Variants in ATP9B observed in about 807,000 individuals in gnomAD.
ATP9B encodes the protein ATPase phospholipid transporting 9B, also known as probable phospholipid-transporting ATPase IIB.
A neutral mutation model predicts 146.1 loss-of-function variants in ATP9B; 110 were observed. That is an observed-to-expected ratio of 0.75 (90% CI 0.65 to 0.88). The LOEUF (loss-of-function observed/expected upper bound fraction) is 0.88, where lower values mean the gene tolerates loss of function less well. Ranked by LOEUF, ATP9B falls within the 40% of genes least tolerant of loss-of-function variation. The probability of loss-of-function intolerance (pLI) is 0.00; values close to 1 mark genes in which losing one functional copy is unlikely to be tolerated. For missense variants in ATP9B, 1,499 were observed against 1,496.4 expected, an observed-to-expected ratio of 1.00 and a Z score of -0.03; for synonymous variants, 604 against 569.7, an observed-to-expected ratio of 1.06 and a Z score of -0.86.
intron 11 of ATP9B, among the ~76,000 whole-genome samples, chr18:79,222,439 T>G (rs1288926536): frequency 2.0e-5 from 3 of 151,942 alleles, no homozygotes; most frequent in Non-Finnish European, 4.4e-5. Context: ...ACACTCTAGG[T>G]GAAGTGGTGT....
At chr18:79,105,078 G>A (rs546220986) in intron 2 of ATP9B, among the ~76,000 whole-genome samples, 73 of 152,288 alleles carry the variant, frequency 4.8e-4, no homozygotes, top group African/African-American at 1.6e-3. Flanking sequence ...GATGAGAAGC[G>A]ACCTGAGGTA....
At chr18:79,144,684 C>A (rs1441145349) in intron 6 of ATP9B, 1 of 152,370 alleles carries the variant, frequency 6.6e-6, no homozygotes, top group Non-Finnish European at 1.5e-5. Flanking sequence ...GTACTTAATA[C>A]AATGCAAATG....
intron 14 of ATP9B, among the ~76,000 whole-genome samples, chr18:79,306,380 C>T (rs2146536094): frequency 6.6e-6 from 1 of 152,276 alleles, no homozygotes; most frequent in African/African-American, 2.4e-5. Flanking sequence ...CACACATAAG[C>T]CCTAAATGGG....
At chr18:79,249,785 G>T (rs964161853) in intron 11 of ATP9B, among the ~76,000 whole-genome samples, 2 of 152,082 alleles carry the variant, frequency 1.3e-5, no homozygotes, top group African/African-American at 2.4e-5. Flanking sequence ...ATTGAAGTGG[G>T]TTAAAAAAAT....
intron 12 of ATP9B, among the ~76,000 whole-genome samples, chr18:79,274,888 C>T (rs114377091): frequency 0.013 from 1,955 of 152,248 alleles, 32 homozygotes; most frequent in African/African-American, 0.037. Flanking sequence ...ACAACAGCTC[C>T]GCGTAAGTCT....
intron 12 of ATP9B, among the ~76,000 whole-genome samples, chr18:79,267,548 A>G (rs1381919945): frequency 6.6e-6 from 1 of 152,064 alleles, no homozygotes; most frequent in African/African-American, 2.4e-5. Context: ...TTTCATATGT[A>G]GTATTTTTGT....
intron 19 of ATP9B, among the ~76,000 whole-genome samples, 159 bp downstream of exon 19, chr18:79,337,608 T>C (rs977204308): frequency 6.6e-6 from 1 of 152,150 alleles, no homozygotes; most frequent in African/African-American, 2.4e-5. Flanking sequence ...CTTAGGGACA[T>C]CTGCAGCTGG....
intron 11 of ATP9B, among the ~76,000 whole-genome samples, chr18:79,230,080 G>A (rs151331803): frequency 6.6e-6 from 1 of 152,226 alleles, no homozygotes; most frequent in Non-Finnish European, 1.5e-5. Context: ...TGAATAAAGT[G>A]TAGTTTAATT....
chr18:79,168,913 A>C lies in ATP9B; in HGVS notation c.779-7900A>C, dbSNP rs752056900. ...TCCATGCCTCATTCTTCTCCTTGCC[A>C]CATTATCCCTGTCCTTCTCTCTTCT... On this transcript the variant is annotated intron_variant, in intron 7 of 29. Coordinates refer to ENST00000426216, the MANE Select transcript of ATP9B (RefSeq NM_198531.5). Among the ~76,000 whole-genome samples the C allele has an allele frequency of 1.3e-4, 20 of 151,936 alleles. 1 individual carries two copies. The highest frequency in any genetic ancestry group is 2.1e-4 in the Non-Finnish European group (14 of 67,994).
intron 15 of ATP9B, among the ~76,000 whole-genome samples, chr18:79,323,146 T>A (rs2096725156): frequency 6.6e-6 from 1 of 151,006 alleles, no homozygotes; most frequent in Non-Finnish European, 1.5e-5. Context: ...CCTCCGTTTA[T>A]CGTTGCTTCG....
chr18:79,347,801 T>G lies in ATP9B; in HGVS notation c.2714T>G (p.Phe905Cys), dbSNP rs770736960. The part of the protein sequence containing the change: ...EGKQASLAAD[F>C]SITQFRHIGR... ...AAACAGGCCTCGCTGGCGGCCGACTTCTCCATCACGCAGTTCCGGCACATA... is the reference window on the plus strand; with the variant it reads ...AAACAGGCCTCGCTGGCGGCCGACTGCTCCATCACGCAGTTCCGGCACATA... Residue 905 changes from phenylalanine to cysteine, a missense_variant, in exon 24 of 30, where the codon TTC (phenylalanine) becomes TGC (cysteine). Coordinates refer to ENST00000426216, the MANE Select transcript of ATP9B (RefSeq NM_198531.5). The G allele has an allele frequency of 6.2e-7, 1 of 1,600,032 alleles. No individual in the cohort carries two copies. Among genetic ancestry groups the G allele is most frequent in the African/African-American group, 1.3e-5 (1 of 74,468 alleles).
chr18:79,304,962 T>C (rs2096612505), intron 14 of ATP9B, among the ~76,000 whole-genome samples: 1 of 152,180 alleles, frequency 6.6e-6, no homozygotes, highest in Non-Finnish European at 1.5e-5. Context: ...AGGTTCAAAA[T>C]TGTACATAGC....
At chr18:79,331,791 T>C (rs569252878) in intron 17 of ATP9B, among the ~76,000 whole-genome samples, 96 of 152,226 alleles carry the variant, frequency 6.3e-4, no homozygotes, top group African/African-American at 1.9e-3. Flanking sequence ...AATATGTAAG[T>C]CTGTGAACAG....
chr18:79,160,394 C>T (rs983910097), intron 7 of ATP9B, among the ~76,000 whole-genome samples: 2 of 152,190 alleles, frequency 1.3e-5, no homozygotes, highest in Admixed American at 6.5e-5. Context: ...ACTGCCATCC[C>T]TGCTTACTTC....
At chr18:79,227,864 T>C (rs552019783) in intron 11 of ATP9B, among the ~76,000 whole-genome samples, 4 of 152,384 alleles carry the variant, frequency 2.6e-5, no homozygotes. Context: ...TGCCCAGGCA[T>C]GTGTGTGCAC....
intron 4 of ATP9B, among the ~76,000 whole-genome samples, chr18:79,123,131 A>G (rs1031994468): frequency 6.6e-6 from 1 of 152,098 alleles, no homozygotes. Flanking sequence ...AGGACTGTCT[A>G]TCTCTAGTCA....
intron 13 of ATP9B, among the ~76,000 whole-genome samples, chr18:79,286,878 T>A (rs2096449117): frequency 6.6e-6 from 1 of 152,238 alleles, no homozygotes; most frequent in African/African-American, 2.4e-5. Flanking sequence ...GAGATAATCA[T>A]GTGGTTTTTG....
intron 5 of ATP9B, among the ~76,000 whole-genome samples, chr18:79,130,322 T>G (rs975082214): frequency 2.0e-5 from 3 of 151,860 alleles, no homozygotes; most frequent in African/African-American, 7.3e-5. Flanking sequence ...AAAAGAACAC[T>G]CACTGGAGGG....
chr18:79,187,411 G>A (rs925364502), intron 8 of ATP9B, among the ~76,000 whole-genome samples: 2 of 152,172 alleles, frequency 1.3e-5, no homozygotes, highest in South Asian at 2.1e-4. Context: ...TGAGTACTTG[G>A]ACTCAAAGGG....
Sources: allele counts gnomAD v4.1 joint callset (sites outside exome capture counted in the v4.1 genomes callset), GRCh38; gene constraint gnomAD v4.1.1; transcripts MANE v1.5; gene names NCBI Gene and HGNC (gene_info 2026-07-23, HGNC 2026-07-21).